ENAH: variants seen among roughly 807,000 people sequenced by gnomAD.
ENAH encodes protein enabled homolog.
ENAH carries 23 observed loss-of-function variants against 78.7 expected under a neutral mutation model. That is an observed-to-expected ratio of 0.29 (90% confidence interval 0.21 to 0.41). The LOEUF (loss-of-function observed/expected upper bound fraction) is 0.41. Ranked by LOEUF, ENAH falls within the 10% of genes least tolerant of loss-of-function variation. The probability of loss-of-function intolerance (pLI) is 1.00; values close to 1 mark genes in which losing one functional copy is unlikely to be tolerated. For synonymous variants in ENAH, 226 were observed against 241.0 expected (o/e 0.94, Z 0.58); for missense variants, 544 against 691.0 (o/e 0.79, Z 2.39).
intron 3 of ENAH, among the ~76,000 whole-genome samples, chr1:225,533,786 C>T (rs1440706399): frequency 6.6e-6 from 1 of 152,108 alleles, no homozygotes; most frequent in Non-Finnish European, 1.5e-5. Flanking sequence ...TTGGTTAAAG[C>T]ACATTCCACT....
At chr1:225,569,441 T>C (rs1285533565) in intron 1 of ENAH, among the ~76,000 whole-genome samples, 1 of 152,216 alleles carries the variant, frequency 6.6e-6, no homozygotes, top group Non-Finnish European at 1.5e-5. Context: ...AACCTGCACG[T>C]TGTGCACATG....
chr1:225,614,311 G>A (rs966305212), intron 1 of ENAH, among the ~76,000 whole-genome samples: 1 of 152,076 alleles, frequency 6.6e-6, no homozygotes, highest in East Asian at 1.9e-4. Context: ...CACCCACCTC[G>A]GCCTCCCAAA....
chr1:225,647,008 C>A (rs1054236662), intron 1 of ENAH, among the ~76,000 whole-genome samples: 6 of 151,680 alleles, frequency 4.0e-5, no homozygotes, highest in Non-Finnish European at 2.9e-5. Context: ...GGGCGCATCA[C>A]GAGGTCAGGA....
At chr1:225,535,393 A>G in intron 3 of ENAH, 1 of 510,448 alleles carries the variant, frequency 2.0e-6, no homozygotes, top group Non-Finnish European at 3.4e-6. Context: ...ATAGCTTGCT[A>G]TATATCCCAA....
intron 1 of ENAH, among the ~76,000 whole-genome samples, chr1:225,623,821 C>A (rs979247168): frequency 6.6e-6 from 1 of 152,120 alleles, no homozygotes; most frequent in Non-Finnish European, 1.5e-5. Context: ...GCTCTCCTGA[C>A]CTTGTGATCC....
chr1:225,615,612 G>A (rs1185138373), intron 1 of ENAH, among the ~76,000 whole-genome samples: 1 of 151,714 alleles, frequency 6.6e-6, no homozygotes, highest in African/African-American at 2.4e-5. Context: ...GTCTCTGCCC[G>A]GCCGCCCGGC....
At chr1:225,622,927 T>C (rs1027708654) in intron 1 of ENAH, among the ~76,000 whole-genome samples, 1 of 152,062 alleles carries the variant, frequency 6.6e-6, no homozygotes, top group African/African-American at 2.4e-5. Context: ...CTAGAAGCAG[T>C]GAGGGGCACA....
chr1:225,595,267 A>C (rs2096897003), intron 1 of ENAH, among the ~76,000 whole-genome samples: 1 of 152,040 alleles, frequency 6.6e-6, no homozygotes. Flanking sequence ...CGGGAGGCGG[A>C]GGTTGCAGTG....
intron 1 of ENAH, among the ~76,000 whole-genome samples, chr1:225,576,440 T>C (rs2096788603): frequency 6.6e-6 from 1 of 152,196 alleles, no homozygotes; most frequent in African/African-American, 2.4e-5. Context: ...GAAAAGTCTT[T>C]ATCAAGGTAG....
At position 225,633,339 on chromosome 1, in the gene ENAH, C is replaced by T. The variant is rs139950112; in HGVS notation, c.5+19347G>A. ...TGCTGGGATTACAGGTGTGAGCCAC[C>T]GCACCCAGCCAACTGTCACTCAAAG... On this transcript the variant is annotated intron_variant, in intron 1 of 13. Coordinates refer to ENST00000366843, the MANE Select transcript of ENAH (RefSeq NM_018212.6). Among the ~76,000 whole-genome samples the T allele has an allele frequency of 3.7e-3, 558 of 151,646 alleles. 3 individuals are homozygous for T. Among genetic ancestry groups the T allele is most frequent in the African/African-American group, 0.013 (547 of 41,374 alleles).
In ENAH at chr1:225,487,288, A is replaced by G. The variant is rs992474912; in HGVS notation, c.*10487T>C. On this transcript the variant is annotated 3_prime_UTR_variant, in exon 14 of 14. Coordinates refer to ENST00000366843, the MANE Select transcript of ENAH (RefSeq NM_018212.6). ...TTATTCCTATATGAAACTTTGGTCC[A>G]AAAATCAGGTGCAGTCTGATCCTAC... 2.0e-5 allele frequency: 3 copies of G among 152,212 alleles called. No homozygotes were observed. Among genetic ancestry groups the G allele is most frequent in the Non-Finnish European group, 4.4e-5 (3 of 68,046 alleles). 9.4% of individuals were successfully genotyped at this position (152,212 alleles called of 1,614,324 possible). A position where few individuals can be genotyped will look rare whatever the true frequency, so the allele number is the denominator to read the frequency against.
intron 1 of ENAH, among the ~76,000 whole-genome samples, chr1:225,591,790 A>AAAAAAAAAAAGG (rs1558871378): frequency 6.8e-6 from 1 of 147,138 alleles, no homozygotes; most frequent in African/African-American, 2.5e-5. Context: ...AAAAAAAAAA[A>AAAAAAAAAAAGG]GGGCTTCAAA....
At chr1:225,573,163 T>C (rs1357744642) in intron 1 of ENAH, among the ~76,000 whole-genome samples, 1 of 152,180 alleles carries the variant, frequency 6.6e-6, no homozygotes, top group Non-Finnish European at 1.5e-5. Context: ...GAGATTGCAG[T>C]AAAACCAAGT....
chr1:225,569,672 C>T (rs2096751359), intron 1 of ENAH, among the ~76,000 whole-genome samples: 1 of 151,972 alleles, frequency 6.6e-6, no homozygotes, highest in Non-Finnish European at 1.5e-5. Flanking sequence ...ATGAACATAT[C>T]CAAGTAGCCA....
intron 1 of ENAH, among the ~76,000 whole-genome samples, chr1:225,575,624 T>C (rs545381481): frequency 7.8e-4 from 119 of 152,324 alleles, no homozygotes; most frequent in Non-Finnish European, 1.4e-3. Context: ...TCTGCCCCAT[T>C]TTCATCTTCC....
chr1:225,579,469 T>C (rs2096804013), intron 1 of ENAH, among the ~76,000 whole-genome samples: 1 of 152,210 alleles, frequency 6.6e-6, no homozygotes, highest in African/African-American at 2.4e-5. Context: ...AAGAAACTTA[T>C]TCATAAAATT....
intron 1 of ENAH, among the ~76,000 whole-genome samples, chr1:225,605,251 G>A (rs992357071): frequency 6.6e-6 from 1 of 152,188 alleles, no homozygotes; most frequent in Non-Finnish European, 1.5e-5. Flanking sequence ...GACACCTTCT[G>A]ATATTAAATA....
intron 2 of ENAH, 37 bp downstream of exon 2, chr1:225,567,212 T>C: frequency 6.3e-7 from 1 of 1,599,218 alleles, no homozygotes; most frequent in Middle Eastern, 1.7e-4. Context: ...TTTGTAATAC[T>C]AAATCATTTT....
intron 2 of ENAH, among the ~76,000 whole-genome samples, chr1:225,562,796 C>T (rs909442126): frequency 1.3e-5 from 2 of 151,692 alleles, no homozygotes; most frequent in Non-Finnish European, 2.9e-5. Flanking sequence ...TTAGAACAGA[C>T]TGATAACCAT....
Sources: allele counts gnomAD v4.1 joint callset (sites outside exome capture counted in the v4.1 genomes callset), GRCh38; gene constraint gnomAD v4.1.1; transcripts MANE v1.5; gene names NCBI Gene and HGNC (gene_info 2026-07-23, HGNC 2026-07-21).